The following MICALL1 variants were observed in gnomAD, a reference collection of about 807,000 sequenced individuals.
The protein encoded by MICALL1 is MICAL like 1, also known as MICAL-like protein 1.
Under a neutral mutation model 83.7 loss-of-function variants are expected in MICALL1, and 61 were observed. That is an observed-to-expected ratio of 0.73 (90% CI 0.59 to 0.90). The LOEUF (loss-of-function observed/expected upper bound fraction) is 0.90, where lower values mean the gene tolerates loss of function less well. MICALL1 is among the 40% of genes least tolerant of loss of function. The pLI is 0.00. For missense variants in MICALL1, 1,066 were observed against 1,152.0 expected (o/e 0.93, Z 1.08); for synonymous variants, 481 against 473.6 (o/e 1.02, Z -0.20).
At chr22:37,938,323 A>G (rs1222825194) in intron 15 of MICALL1, among the ~76,000 whole-genome samples, 1 of 145,788 alleles carries the variant, frequency 6.9e-6, no homozygotes, top group Non-Finnish European at 1.5e-5. Flanking sequence ...AATGGTGTGA[A>G]CCCGGGAGGT....
At position 37,927,585 on chromosome 22, in the gene MICALL1, C is replaced by A. The variant is rs752463321; in HGVS notation, c.1640C>A (p.Thr547Asn). The A allele has an allele frequency of 4.3e-6, 7 of 1,613,386 alleles. 1 individual carries two copies. In the South Asian group the frequency reaches 6.6e-5, roughly 15 times the overall value. The part of the protein sequence containing the change: ...SSEPAVHAPG[T>N]PGNPVSLSTN... ...GAGCCTGCTGTCCATGCCCCTGGTA[C>A]CCCTGGAAACCCTGTCAGCCTCTCT... is the stretch of plus-strand genomic sequence containing the variant. The change falls in exon 9 of 16, where the codon ACC becomes AAC. Residue 547 changes from threonine (T) to asparagine (N), a missense_variant. Thr to Asn is a moderately conservative substitution (Grantham distance 65). Coordinates refer to ENST00000215957, the MANE Select transcript of MICALL1 (RefSeq NM_033386.4).
At position 37,930,432 on chromosome 22, in the gene MICALL1, G is replaced by T. The variant is rs1929726736; in HGVS notation, c.1882-1367G>T. Among the ~76,000 whole-genome samples the T allele has an allele frequency of 3.3e-5, 5 of 152,194 alleles. No homozygotes were observed. In the South Asian group the frequency reaches 6.2e-4, roughly 19 times the overall value. ...GGGCCCCAGCACCCTCCCTGCTTCA[G>T]AAACCCCAGAGCAGCTCCCACCCCG... On this transcript the variant is annotated intron_variant, in intron 9 of 15. Transcript: ENST00000215957. The surrounding 1 kb of genome is among the most constrained non-coding windows in gnomAD (Gnocchi z 4.8).
chr22:37,911,203 A>G (rs58801991), intron 1 of MICALL1, among the ~76,000 whole-genome samples: 6,918 of 152,272 alleles, frequency 0.045, 535 homozygotes, highest in African/African-American at 0.15. Context: ...TGCTTCCCCA[A>G]TGGAGGCTGC....
chr22:37,940,762 A>G lies in MICALL1; in HGVS notation c.2524A>G (p.Met842Val), dbSNP rs1393710795. 1 of 1,614,154 alleles carries G rather than the reference A, an allele frequency of 6.2e-7. No individual in the cohort carries two copies. The highest frequency in any genetic ancestry group is 1.7e-5 in the Admixed American group (1 of 60,020). The change falls in exon 16 of 16, where the codon ATG (methionine) becomes GTG (valine). Residue 842 changes from methionine to valine, a missense_variant. Transcript: ENST00000215957. ...EGKKKGKFKT[M>V]KMLKLLGNKR... Reference sequence around the variant, plus strand: ...CAAGAAGAAGGGGAAGTTCAAGACCATGAAGATGTTGAAACTGCTAGGAAA... The same window carrying G: ...CAAGAAGAAGGGGAAGTTCAAGACCGTGAAGATGTTGAAACTGCTAGGAAA...
intron 3 of MICALL1, among the ~76,000 whole-genome samples, chr22:37,914,117 C>T (rs1177766342): frequency 6.6e-6 from 1 of 151,964 alleles, no homozygotes; most frequent in African/African-American, 2.4e-5. Flanking sequence ...CTCAGGCGAT[C>T]CACCTGCCTC....
intron 15 of MICALL1, among the ~76,000 whole-genome samples, chr22:37,938,735 C>A (rs1390061129): frequency 6.6e-6 from 1 of 151,496 alleles, no homozygotes. Flanking sequence ...AATTCTGCTT[C>A]AGCTTCCTCA....
At chr22:37,923,393 AT>A (rs1159993215) in intron 6 of MICALL1, among the ~76,000 whole-genome samples, 1 of 150,566 alleles carries the variant, frequency 6.6e-6, no homozygotes, top group African/African-American at 2.5e-5. Flanking sequence ...TGTCTGGCTA[AT>A]TTTTGTATTT....
At chr22:37,921,545 C>T (rs1929030481) in intron 5 of MICALL1, among the ~76,000 whole-genome samples, 2 of 152,168 alleles carry the variant, frequency 1.3e-5, no homozygotes, top group Admixed American at 6.5e-5. Context: ...TGCACTCCAG[C>T]CTGGACAACA....
Position 37,912,298 on chromosome 22 carries a change from T to G in MICALL1, c.196-53T>G, listed in dbSNP as rs190661549. 3.1e-3 allele frequency: 4,828 copies of G among 1,561,498 alleles called. 23 individuals are homozygous for G. The highest frequency in any genetic ancestry group is 0.011 in the South Asian group (936 of 84,266). ...GGCTGAGGGGTCGCCCCCTAACGCC[T>G]CCTCCTCTTCCTGCTTCGGCTGCTC... On this transcript the variant is annotated intron_variant, in intron 2 of 15. Transcript: ENST00000215957.
chr22:37,912,941 G>A (rs1370259108), intron 3 of MICALL1, among the ~76,000 whole-genome samples: 7 of 150,546 alleles, frequency 4.6e-5, no homozygotes, highest in Non-Finnish European at 1.5e-5. Flanking sequence ...GATTACAGGC[G>A]TGAGCCACTG....
intron 4 of MICALL1, among the ~76,000 whole-genome samples, chr22:37,918,102 C>T (rs1928790735): frequency 6.6e-6 from 1 of 152,216 alleles, no homozygotes; most frequent in African/African-American, 2.4e-5. Flanking sequence ...ATGCTGACTT[C>T]ACCATCATGG....
In MICALL1 at chr22:37,924,859, C is replaced by G. The variant is rs7290141; in HGVS notation, c.1082+142C>G. On this transcript the variant is annotated intron_variant, in intron 7 of 15. Coordinates refer to ENST00000215957, the MANE Select transcript of MICALL1 (RefSeq NM_033386.4). The surrounding 1 kb of genome is among the most constrained non-coding windows in gnomAD (Gnocchi z 5.2). ...AGGGGAAGGAGAGCTGGGCCCACAC[C>G]CCTTCTCCTGAGGCTCACCCCGGGA... 8,762 of 749,704 alleles carry G rather than the reference C, an allele frequency of 0.012. 465 individuals are homozygous for G. The African/African-American group carries it at 0.13, about 11-fold the overall frequency. 46.4% of individuals were successfully genotyped at this position (749,704 alleles called of 1,614,324 possible).
At chr22:37,918,771 T>C (rs940202555) in intron 4 of MICALL1, among the ~76,000 whole-genome samples, 7 of 152,110 alleles carry the variant, frequency 4.6e-5, no homozygotes, top group Admixed American at 3.3e-4. Context: ...AAACCGGAAG[T>C]CAGGATTTTC....
At chr22:37,907,363 T>C (rs1928029226) in intron 1 of MICALL1, 1 of 152,286 alleles carries the variant, frequency 6.6e-6, no homozygotes, top group Admixed American at 6.5e-5. Context: ...GAGGTTCTCA[T>C]GGGAAAATGC....
Position 37,922,165 on chromosome 22 carries a change from G to T in MICALL1, c.763G>T (p.Gly255Cys), listed in dbSNP as rs1428085804. The T allele has an allele frequency of 1.2e-6, 2 of 1,613,064 alleles. No individual in the cohort carries two copies. The highest frequency in any genetic ancestry group is 2.2e-5 in the South Asian group (2 of 91,090). Residue 255 changes from glycine to cysteine, a missense_variant, in exon 6 of 16, where the codon GGC (glycine) becomes TGC (cysteine). Coordinates refer to ENST00000215957, the MANE Select transcript of MICALL1 (RefSeq NM_033386.4). ...AGAAGATGCCAAGGATGTTCCAGGA[G>T]GCGGCCCCAGCTCCAGTGCTCCTGC... ...LAEDAKDVPG[G>C]GPSSSAPAGA...
rs1202968906 is a variant in MICALL1 at position 37,941,489 on chromosome 22, G to C, written c.*659G>C. On this transcript the variant is annotated 3_prime_UTR_variant, in exon 16 of 16. Transcript: ENST00000215957. Reference sequence around the variant, plus strand: ...CTCGTCTCCCCTTACTCCACAGGGAGCCTCCCTTGCCAGGACCAGGGCTGC... The same window carrying C: ...CTCGTCTCCCCTTACTCCACAGGGACCCTCCCTTGCCAGGACCAGGGCTGC... The C allele has an allele frequency of 6.6e-6, 1 of 152,514 alleles. No homozygotes were observed. The highest frequency in any genetic ancestry group is 1.5e-5 in the Non-Finnish European group (1 of 68,290). The allele number at this position is 152,514 out of a possible 1,614,324, so 9.4% of individuals were successfully genotyped here. A position where few individuals can be genotyped will look rare whatever the true frequency, so the allele number is the denominator to read the frequency against.
intron 1 of MICALL1, among the ~76,000 whole-genome samples, chr22:37,907,682 A>G (rs1247715326): frequency 6.6e-6 from 1 of 152,250 alleles, no homozygotes; most frequent in African/African-American, 2.4e-5. Context: ...GGATTGCCTC[A>G]GGATTCCATG....
intron 9 of MICALL1, among the ~76,000 whole-genome samples, chr22:37,931,397 A>G (rs1929777890): frequency 6.6e-6 from 1 of 152,046 alleles, no homozygotes; most frequent in South Asian, 2.1e-4. Flanking sequence ...AAAAGTAAAT[A>G]CAAAAAATTA....
chr22:37,932,415 C>A lies in MICALL1; in HGVS notation c.2017-138C>A. 1 of 1,397,414 alleles carries A rather than the reference C, an allele frequency of 7.2e-7. No homozygotes were observed. 86.6% of individuals were successfully genotyped at this position (1,397,414 alleles called of 1,614,324 possible). ...ACACTGGCCCCTTCCCCACTGGGAC[C>A]CTGCCTTCTTACCATGCTGGGGTGG... On this transcript the variant is annotated intron_variant, in intron 10 of 15. Transcript: ENST00000215957. This position sits in a 1 kb window ranked among gnomAD's most constrained non-coding sequence, Gnocchi z 4.4.
Sources: allele counts gnomAD v4.1 joint callset (sites outside exome capture counted in the v4.1 genomes callset), GRCh38; gene constraint gnomAD v4.1.1; non-coding constraint Gnocchi (gnomAD v3.1); transcripts MANE v1.5; gene names NCBI Gene and HGNC (gene_info 2026-07-23, HGNC 2026-07-21).